NBAS: variants seen among roughly 807,000 people sequenced by gnomAD.
NBAS encodes NAG/BC035112 fusion.
A neutral mutation model predicts 302.5 loss-of-function variants in NBAS; 219 were observed. The observed-to-expected ratio is 0.72, with a 90% CI of 0.65 to 0.81. The LOEUF is 0.81. Among genes scored for constraint, NBAS ranks in the 30% least tolerant of loss-of-function variants. The pLI is 0.00. For synonymous variants in NBAS, 1,118 were observed against 1,021.6 expected (o/e 1.09, Z -1.80); for missense variants, 2,932 against 2,841.6 (o/e 1.03, Z -0.72).
the NBAS span, among the ~76,000 whole-genome samples, chr2:14,868,567 A>G: frequency 6.6e-6 from 1 of 152,174 alleles, no homozygotes; most frequent in South Asian, 2.1e-4. Flanking sequence ...TGTGCAGCCA[A>G]GGTTGTAGGC....
At chr2:15,186,684 A>G in intron 50 of NBAS, 58 bp downstream of exon 50, 1 of 1,611,804 alleles carries the variant, frequency 6.2e-7, no homozygotes, top group South Asian at 1.1e-5. Flanking sequence ...TGCTTACAAT[A>G]AAGAGTTCTG....
chr2:14,811,775 G>A, the NBAS span, among the ~76,000 whole-genome samples: 179 of 152,298 alleles, frequency 1.2e-3, no homozygotes, highest in Non-Finnish European at 2.1e-3. Context: ...AGGAATCTAG[G>A]AATGTAAATG....
chr2:15,027,415 C>A, the NBAS span, among the ~76,000 whole-genome samples: 1 of 145,012 alleles, frequency 6.9e-6, no homozygotes, highest in East Asian at 2.1e-4. Context: ...TTAGACTTTT[C>A]AATATTGTAA....
chr2:14,902,164 C>T, the NBAS span, among the ~76,000 whole-genome samples: 2 of 152,190 alleles, frequency 1.3e-5, no homozygotes, highest in Admixed American at 6.5e-5. Flanking sequence ...CAGGGTCTCA[C>T]TCCGTCACCC....
the NBAS span, among the ~76,000 whole-genome samples, chr2:15,082,910 A>C: frequency 6.6e-6 from 1 of 152,260 alleles, no homozygotes; most frequent in Admixed American, 6.5e-5. Flanking sequence ...GCCAGGGCTC[A>C]AACCCAGCTT....
chr2:15,515,387 C>A, intron 9 of NBAS, among the ~76,000 whole-genome samples: 1 of 152,150 alleles, frequency 6.6e-6, no homozygotes, highest in Non-Finnish European at 1.5e-5. Context: ...AAACATGTCT[C>A]TACAAAAATA....
chr2:14,908,097 C>G, the NBAS span, among the ~76,000 whole-genome samples: 3 of 152,228 alleles, frequency 2.0e-5, no homozygotes, highest in African/African-American at 7.2e-5. Flanking sequence ...GGCGCAGTGG[C>G]TCACGCCTGT....
At chr2:15,052,827 A>C in the NBAS span, among the ~76,000 whole-genome samples, 1 of 152,256 alleles carries the variant, frequency 6.6e-6, no homozygotes, top group Non-Finnish European at 1.5e-5. Flanking sequence ...AAAAATTTAA[A>C]TTTCAAATTA....
At chr2:15,331,509 G>A (rs1314914968) in intron 35 of NBAS, among the ~76,000 whole-genome samples, 1 of 151,990 alleles carries the variant, frequency 6.6e-6, no homozygotes, top group Non-Finnish European at 1.5e-5. Context: ...TTTTTCTTAA[G>A]AATCTCAGTT....
the NBAS span, among the ~76,000 whole-genome samples, chr2:14,979,947 G>C: frequency 6.6e-6 from 1 of 152,222 alleles, no homozygotes; most frequent in Middle Eastern, 3.4e-3. Context: ...TCCTTCCTGT[G>C]CCTCTTAAAA....
At chr2:15,399,390 T>G (rs1676035978) in intron 26 of NBAS, among the ~76,000 whole-genome samples, 1 of 152,176 alleles carries the variant, frequency 6.6e-6, no homozygotes, top group Non-Finnish European at 1.5e-5. Flanking sequence ...ACTGCCACAC[T>G]GATAGCCTTT....
chr2:15,223,017 A>G (rs1299616598), intron 47 of NBAS, among the ~76,000 whole-genome samples: 2 of 152,240 alleles, frequency 1.3e-5, no homozygotes, highest in Non-Finnish European at 2.9e-5. Context: ...CTAAAATAGA[A>G]GCATTGTGTT....
At chr2:15,341,836 G>A (rs1352776254) in intron 35 of NBAS, among the ~76,000 whole-genome samples, 1 of 152,090 alleles carries the variant, frequency 6.6e-6, no homozygotes, top group East Asian at 1.9e-4. Context: ...AATGAGCAAA[G>A]TATTTCCTTC....
At chr2:14,976,899 G>T in the NBAS span, among the ~76,000 whole-genome samples, 1 of 152,216 alleles carries the variant, frequency 6.6e-6, no homozygotes, top group East Asian at 1.9e-4. Context: ...ACGGAGTGCA[G>T]CCCTGCCAAC....
chr2:15,410,955 C>T (rs1194500917), intron 25 of NBAS, among the ~76,000 whole-genome samples: 1 of 152,212 alleles, frequency 6.6e-6, no homozygotes, highest in Non-Finnish European at 1.5e-5. Context: ...GATCCCAGTG[C>T]TGCAGCTTCC....
the NBAS span, among the ~76,000 whole-genome samples, chr2:15,034,753 T>C: frequency 6.6e-6 from 1 of 152,086 alleles, no homozygotes; most frequent in African/African-American, 2.4e-5. Flanking sequence ...TTGCTAATAG[T>C]TGAGATGGTA....
At chr2:15,234,224 T>C (rs920406243) in intron 46 of NBAS, among the ~76,000 whole-genome samples, 5 of 152,212 alleles carry the variant, frequency 3.3e-5, no homozygotes, top group African/African-American at 1.2e-4. Context: ...AAAAACCATA[T>C]TGAAGTCACA....
the NBAS span, among the ~76,000 whole-genome samples, chr2:15,044,773 A>G: frequency 6.6e-6 from 1 of 152,224 alleles, no homozygotes; most frequent in Non-Finnish European, 1.5e-5. Context: ...AACTATAAAG[A>G]GGTGAGGAGT....
At chr2:14,918,616 T>C in the NBAS span, among the ~76,000 whole-genome samples, 7 of 152,206 alleles carry the variant, frequency 4.6e-5, no homozygotes. Flanking sequence ...TGGTCCTTAG[T>C]CTTGTCCCTG....
Sources: gnomAD v4.1 joint callset for allele counts (sites outside exome capture counted in the v4.1 genomes callset) on GRCh38, gnomAD v4.1.1 for gene constraint, MANE v1.5 for transcripts, NCBI Gene and HGNC (gene_info 2026-07-23, HGNC 2026-07-21) for gene names.